CDKL2: variants seen among roughly 807,000 people sequenced by gnomAD.
The protein encoded by CDKL2 is cyclin-dependent kinase-like 2.
A neutral mutation model predicts 63.9 loss-of-function variants in CDKL2; 64 were observed. The observed-to-expected ratio is 1.00, with a 90% CI of 0.82 to 1.23. The LOEUF is 1.23. Among genes scored for constraint, CDKL2 ranks in the 50% most tolerant of loss-of-function variants. The pLI is 0.00. For missense variants in CDKL2, 656 were observed against 668.0 expected (o/e 0.98, Z 0.20); for synonymous variants, 211 against 229.2 (o/e 0.92, Z 0.72).
Position 75,600,294 on chromosome 4 carries a change from C to T in CDKL2, c.871G>A (p.Gly291Arg). The T allele has an allele frequency of 6.2e-7, 1 of 1,612,164 alleles. No individual in the cohort carries two copies. The highest frequency in any genetic ancestry group is 8.5e-7 in the Non-Finnish European group (1 of 1,178,410). Residue 291 changes from glycine to arginine, a missense_variant, in exon 7 of 14, where the codon GGA becomes AGA. Transcript: ENST00000307465. ...LLHHDFFQMDGFAERFSQELQ... is the reference protein window; with the variant it reads ...LLHHDFFQMDRFAERFSQELQ... Reference sequence around the variant, plus strand: ...TAAGTACTATACCTCTCAGCAAATCCATCCATTTGAAAGAAATCATGGTGT... The same window carrying T: ...TAAGTACTATACCTCTCAGCAAATCTATCCATTTGAAAGAAATCATGGTGT...
rs1432484396 is a variant in CDKL2 at position 75,600,319 on chromosome 4, T to C, written c.846A>G (p.Leu282=). Residue 282 remains leucine (L), a synonymous_variant, in exon 7 of 14, where the codon CTA becomes CTG. Coordinates refer to ENST00000307465, the MANE Select transcript of CDKL2 (RefSeq NM_001330724.2). ...PDKRPFCAEL[L]HHDFFQMDGF... ...CATCCATTTGAAAGAAATCATGGTG[T>C]AGGAGCTCAGCACAGAAGGGTCTTT... 3 of 1,613,676 alleles carry C rather than the reference T, an allele frequency of 1.9e-6. No individual in the cohort carries two copies. Among genetic ancestry groups the C allele is most frequent in the Admixed American group, 1.7e-5 (1 of 59,980 alleles).
chr4:75,629,935 T>C (rs1470777360), intron 1 of CDKL2, 107 bp downstream of exon 1: 1 of 51,180 alleles, frequency 2.0e-5, no homozygotes, highest in Non-Finnish European at 3.4e-5. Context: ...TGAAACTCCG[T>C]CTCAAAAAAA....
intron 4 of CDKL2, 75 bp downstream of exon 4, chr4:75,607,108 C>T (rs1729451442): frequency 8.5e-7 from 1 of 1,178,642 alleles, no homozygotes; most frequent in Non-Finnish European, 1.2e-6. Context: ...GGATCATTTA[C>T]TATATCATAA....
At chr4:75,589,042 T>A (rs1180939558) in intron 12 of CDKL2, among the ~76,000 whole-genome samples, 1 of 152,160 alleles carries the variant, frequency 6.6e-6, no homozygotes, top group Non-Finnish European at 1.5e-5. Flanking sequence ...GGGCAAAAGA[T>A]TTGAGCAGAT....
intron 2 of CDKL2, among the ~76,000 whole-genome samples, chr4:75,620,120 G>A (rs1471486846): frequency 6.6e-6 from 1 of 152,136 alleles, no homozygotes; most frequent in Non-Finnish European, 1.5e-5. Flanking sequence ...CTTGAATCTG[G>A]AAGATTGAGG....
Position 75,610,605 on chromosome 4 carries a change from G to C in CDKL2, c.364-3244C>G, listed in dbSNP as rs1356830104. 2.6e-5 allele frequency among the ~76,000 whole-genome samples: 4 copies of C among 151,904 alleles called. No individual in the cohort carries two copies. In the East Asian group the frequency reaches 5.8e-4, roughly 22 times the overall value. Reference sequence around the variant, plus strand: ...GGTTCTACAAACCTCATAATGTTCTGTACTATTTGGGTCAAACTTCAATGG... The same window carrying C: ...GGTTCTACAAACCTCATAATGTTCTCTACTATTTGGGTCAAACTTCAATGG... On this transcript the variant is annotated intron_variant, in intron 3 of 13. Coordinates refer to ENST00000307465, the MANE Select transcript of CDKL2 (RefSeq NM_001330724.2).
intron 12 of CDKL2, among the ~76,000 whole-genome samples, chr4:75,584,846 C>A (rs113328674): frequency 9.2e-5 from 14 of 152,160 alleles, no homozygotes; most frequent in African/African-American, 3.1e-4. Context: ...CTGTTTATTT[C>A]TGGAACTTTC....
intron 10 of CDKL2, among the ~76,000 whole-genome samples, chr4:75,592,899 A>T (rs1728773944): frequency 6.6e-6 from 1 of 152,216 alleles, no homozygotes; most frequent in Admixed American, 6.5e-5. Context: ...AAAAATAGTG[A>T]GGAATAGCAG....
At chr4:75,595,538 CTG>C (rs1225377859) in intron 10 of CDKL2, among the ~76,000 whole-genome samples, 3 of 151,210 alleles carry the variant, frequency 2.0e-5, no homozygotes, top group African/African-American at 7.3e-5. Context: ...CACCAAAAAT[CTG>C]GTGTGGGTGA....
intron 2 of CDKL2, among the ~76,000 whole-genome samples, chr4:75,623,224 A>T (rs1350678177): frequency 6.6e-6 from 1 of 152,174 alleles, no homozygotes; most frequent in East Asian, 1.9e-4. Context: ...GATTGCAATG[A>T]GTCAAGATCA....
intron 12 of CDKL2, among the ~76,000 whole-genome samples, chr4:75,590,281 T>C (rs1578319326): frequency 6.6e-6 from 1 of 152,244 alleles, no homozygotes; most frequent in East Asian, 1.9e-4. Context: ...TCAGTTTTAA[T>C]TAAATGTTGC....
intron 3 of CDKL2, among the ~76,000 whole-genome samples, chr4:75,613,961 G>A (rs1729813484): frequency 6.6e-6 from 1 of 152,158 alleles, no homozygotes; most frequent in African/African-American, 2.4e-5. Context: ...GGAGGCTGAG[G>A]CAAGAGAATC....
chr4:75,589,701 A>G (rs1728626591), intron 12 of CDKL2, among the ~76,000 whole-genome samples: 1 of 152,198 alleles, frequency 6.6e-6, no homozygotes, highest in South Asian at 2.1e-4. Flanking sequence ...ACACACAAAA[A>G]ACACATTTAC....
chr4:75,596,012 G>A (rs530583085), intron 10 of CDKL2: 1 of 90,724 alleles, frequency 1.1e-5, no homozygotes. Context: ...AAGGAAGGAA[G>A]GAAGGAAGGA....
intron 2 of CDKL2, among the ~76,000 whole-genome samples, chr4:75,614,821 C>T (rs1391830878): frequency 1.3e-5 from 2 of 151,308 alleles, no homozygotes; most frequent in East Asian, 3.9e-4. Context: ...TCTGTGGCTA[C>T]AAAGCTGGAA....
At chr4:75,598,840 A>G (rs1159953416) in intron 7 of CDKL2, among the ~76,000 whole-genome samples, 1 of 152,180 alleles carries the variant, frequency 6.6e-6, no homozygotes. Context: ...TGACAGAAAA[A>G]CTATGGTTAT....
chr4:75,584,771 C>T (rs1341089673), intron 12 of CDKL2, among the ~76,000 whole-genome samples: 1 of 152,130 alleles, frequency 6.6e-6, no homozygotes, highest in Non-Finnish European at 1.5e-5. Context: ...CTGAGCAGAA[C>T]AGAGCCAGAC....
intron 10 of CDKL2, among the ~76,000 whole-genome samples, chr4:75,593,142 T>G (rs1728781800): frequency 6.6e-6 from 1 of 152,192 alleles, no homozygotes; most frequent in South Asian, 2.1e-4. Context: ...GCTTTTGAGT[T>G]TCTTTCTTTT....
intron 13 of CDKL2, among the ~76,000 whole-genome samples, chr4:75,580,232 C>T (rs1477893432): frequency 6.6e-6 from 1 of 151,868 alleles, no homozygotes; most frequent in East Asian, 1.9e-4. Context: ...GCACTCCAGC[C>T]TGGGAGACAG....
Sources: allele counts gnomAD v4.1 joint callset (sites outside exome capture counted in the v4.1 genomes callset), GRCh38; gene constraint gnomAD v4.1.1; transcripts MANE v1.5; gene names NCBI Gene and HGNC (gene_info 2026-07-23, HGNC 2026-07-21).